VPS13C: variants seen among roughly 807,000 people sequenced by gnomAD.
VPS13C encodes intermembrane lipid transfer protein VPS13C.
VPS13C carries 358 observed loss-of-function variants against 456.8 expected under a neutral mutation model. That is an observed-to-expected ratio of 0.78 (90% confidence interval 0.72 to 0.86). VPS13C has a LOEUF of 0.86. Ranked by LOEUF, VPS13C falls within the 40% of genes least tolerant of loss-of-function variation. The probability of loss-of-function intolerance (pLI) is 0.00; values close to 1 mark genes in which losing one functional copy is unlikely to be tolerated. For missense variants in VPS13C, 4,818 were observed against 4,385.4 expected, an observed-to-expected ratio of 1.10 and a Z score of -2.79; for synonymous variants, 1,578 against 1,486.7, an observed-to-expected ratio of 1.06 and a Z score of -1.41.
At chr15:61,943,441 T>C (rs2044496796) in intron 45 of VPS13C, among the ~76,000 whole-genome samples, 1 of 152,016 alleles carries the variant, frequency 6.6e-6, no homozygotes, top group Non-Finnish European at 1.5e-5. Context: ...GGGAACAGAA[T>C]TGAGAACCCA....
chr15:61,937,148 T>C (rs2044253804), intron 47 of VPS13C, among the ~76,000 whole-genome samples: 1 of 152,212 alleles, frequency 6.6e-6, no homozygotes. Context: ...ACGAGTGTTG[T>C]TCAGTTTCTA....
At chr15:62,010,385 AC>A in intron 13 of VPS13C, 86 bp downstream of exon 13, 1 of 1,335,078 alleles carries the variant, frequency 7.5e-7, no homozygotes, top group East Asian at 2.7e-5. Flanking sequence ...CCAAAAAACC[AC>A]CAACCACTAG....
Position 61,881,650 on chromosome 15 carries a change from C to G in VPS13C, c.9707-18G>C. ...CTTGGGCTCTAAGAGGAAGAAGTAA[C>G]ACATAAAAAAAAATAATGCTTTATA... On this transcript the variant is annotated intron_variant, in intron 70 of 84. Coordinates refer to ENST00000644861, the MANE Select transcript of VPS13C (RefSeq NM_020821.3). 1 of 1,608,264 alleles carries G rather than the reference C, an allele frequency of 6.2e-7. No homozygotes were observed. The highest frequency in any genetic ancestry group is 8.5e-7 in the Non-Finnish European group (1 of 1,178,030).
In VPS13C at chr15:61,893,988, A is replaced by C. The variant is rs1018588338; in HGVS notation, c.9106-3588T>G. On this transcript the variant is annotated intron_variant, in intron 66 of 84. Transcript: ENST00000644861. ...CCACTAAGGAAGTCAGTAAGAAAAG[A>C]AGAAAGAAAGAGGGGCATTATAAAA... 5.9e-5 allele frequency among the ~76,000 whole-genome samples: 9 copies of C among 152,144 alleles called. 1 individual carries two copies. The highest frequency in any genetic ancestry group is 5.9e-4 in the Admixed American group (9 of 15,268).
intron 37 of VPS13C, among the ~76,000 whole-genome samples, chr15:61,955,247 C>A (rs1335172946): frequency 6.6e-6 from 1 of 152,098 alleles, no homozygotes; most frequent in East Asian, 1.9e-4. Flanking sequence ...CTATTTAATT[C>A]TTATGACATC....
chr15:61,936,878 G>A, intron 47 of VPS13C, 128 bp from the exon 48 acceptor site: 1 of 976,648 alleles, frequency 1.0e-6, no homozygotes, highest in Non-Finnish European at 1.5e-6. Context: ...TTAGAGTTAG[G>A]ACTATAAATA....
At position 61,884,208 on chromosome 15, in the gene VPS13C, T is replaced by C. The variant is rs1008101215; in HGVS notation, c.9403A>G (p.Ile3135Val). The change falls in exon 68 of 85, where the codon ATA (isoleucine) becomes GTA (valine). Residue 3135 changes from isoleucine to valine, a missense_variant. By Grantham distance (29) the Ile-to-Val change is conservative (BLOSUM62 3). This residue lies in a region of VPS13C where 4,552 missense variants were observed against 4,130.6 expected (regional missense o/e 1.10). Transcript: ENST00000644861. ...TGATAGGATTGTTCCAATAAGATTA[T>C]CTGCTTTTGACTAAATGGCTTCCAT... Reference protein sequence around the residue: ...QKWKPFSQKQIILLEQSYQKH... With the variant: ...QKWKPFSQKQVILLEQSYQKH... The C allele has an allele frequency of 3.1e-6, 5 of 1,611,216 alleles. No homozygotes were observed. Among genetic ancestry groups the C allele is most frequent in the Non-Finnish European group, 4.2e-6 (5 of 1,178,926 alleles).
intron 18 of VPS13C, among the ~76,000 whole-genome samples, chr15:61,987,425 T>C (rs1186940186): frequency 1.3e-5 from 2 of 152,172 alleles, no homozygotes; most frequent in African/African-American, 4.8e-5. Context: ...GCAAAGACAC[T>C]TCTTACATAG....
intron 1 of VPS13C, among the ~76,000 whole-genome samples, chr15:62,052,724 A>T (rs2140789322): frequency 6.6e-6 from 1 of 151,778 alleles, no homozygotes; most frequent in Non-Finnish European, 1.5e-5. Flanking sequence ...ATAGCTATTC[A>T]TTTCAAATGA....
chr15:61,868,606 C>T (rs1894763833), intron 81 of VPS13C, 53 bp downstream of exon 81: 2 of 1,511,618 alleles, frequency 1.3e-6, no homozygotes, highest in East Asian at 4.5e-5. Context: ...AATCCTGGGC[C>T]TAGAAATCAT....
intron 2 of VPS13C, among the ~76,000 whole-genome samples, chr15:62,043,051 T>C (rs2048291822): frequency 6.6e-6 from 1 of 151,920 alleles, no homozygotes; most frequent in South Asian, 2.1e-4. Context: ...ACTACAATTC[T>C]ATTTATATTG....
intron 37 of VPS13C, among the ~76,000 whole-genome samples, chr15:61,956,522 G>A (rs187920161): frequency 1.1e-3 from 172 of 151,776 alleles, no homozygotes; most frequent in African/African-American, 3.8e-3. Flanking sequence ...CCACAGACAG[G>A]GAAAAGATAT....
At chr15:62,034,789 T>C (rs1489312307) in intron 4 of VPS13C, among the ~76,000 whole-genome samples, 168 bp downstream of exon 4, 2 of 151,916 alleles carry the variant, frequency 1.3e-5, no homozygotes, top group Admixed American at 6.6e-5. Context: ...TGCGGTAAGA[T>C]ATATGTGCAT....
At chr15:61,864,157 C>T (rs778548467) in intron 81 of VPS13C, 51 of 236,928 alleles carry the variant, frequency 2.2e-4, no homozygotes, top group African/African-American at 8.6e-4. Flanking sequence ...GTTAAACATG[C>T]GTGGGGAAGT....
intron 17 of VPS13C, 59 bp downstream of exon 17, chr15:61,991,599 ACAGGGAAGATATAAT>A: frequency 6.8e-7 from 1 of 1,472,768 alleles, no homozygotes; most frequent in African/African-American, 1.4e-5. Context: ...ATAAAATTCA[ACAGGGAAGATATAAT>A]TTACACAGTT....
intron 66 of VPS13C, among the ~76,000 whole-genome samples, chr15:61,901,707 T>C (rs1471561032): frequency 1.3e-4 from 20 of 151,896 alleles, no homozygotes; most frequent in Non-Finnish European, 2.5e-4. Flanking sequence ...AGTGTGGCGA[T>C]TCCTCAGGGA....
Position 61,882,628 on chromosome 15 carries a change from T to C in VPS13C, c.9592A>G (p.Arg3198Gly). 1 of 1,588,074 alleles carries C rather than the reference T, an allele frequency of 6.3e-7. No individual in the cohort carries two copies. Among genetic ancestry groups the C allele is most frequent in the Non-Finnish European group, 8.6e-7 (1 of 1,168,168 alleles). Residue 3198 changes from arginine to glycine, a missense_variant, in exon 69 of 85, where the codon AGA becomes GGA. This residue lies in a region of VPS13C where 4,552 missense variants were observed against 4,130.6 expected (regional missense o/e 1.10). Coordinates refer to ENST00000644861, the MANE Select transcript of VPS13C (RefSeq NM_020821.3). ...CAGTACAACCTGGCCCTTAAACTTC[T>C]CTGGTGAGAAGACTGCTTAAATTCA... ...QIEFKQSSHQ[R>G]SLRARLYWLQ...
chr15:61,904,097 A>G (rs2043084673), intron 66 of VPS13C, among the ~76,000 whole-genome samples: 1 of 152,168 alleles, frequency 6.6e-6, no homozygotes, highest in Non-Finnish European at 1.5e-5. Flanking sequence ...TAACACCTCA[A>G]AAGCACAATC....
At chr15:61,891,605 C>T (rs1375441617) in intron 66 of VPS13C, among the ~76,000 whole-genome samples, 1 of 151,968 alleles carries the variant, frequency 6.6e-6, no homozygotes. Flanking sequence ...ATAAAATATC[C>T]CCAGGTAATT....
Sources: gnomAD v4.1 joint callset for allele counts (sites outside exome capture counted in the v4.1 genomes callset) on GRCh38, gnomAD v4.1.1 for gene constraint, gnomAD v4.1.1 regional missense constraint, MANE v1.5 for transcripts, NCBI Gene and HGNC (gene_info 2026-07-23, HGNC 2026-07-21) for gene names.